Variants in LGALS3BP observed in about 807,000 individuals in gnomAD.
LGALS3BP encodes galectin 3 binding protein, also known as galectin-3-binding protein.
Under a neutral mutation model 22.9 loss-of-function variants are expected in LGALS3BP, and 25 were observed. That is an observed-to-expected ratio of 1.09 (90% CI 0.80 to 1.53). The LOEUF is 1.53. Ranked by LOEUF, LGALS3BP falls within the 40% of genes most tolerant of loss-of-function variation. The probability of loss-of-function intolerance (pLI) is 0.00; values close to 1 mark genes in which losing one functional copy is unlikely to be tolerated. For synonymous variants in LGALS3BP, 335 were observed against 331.1 expected (o/e 1.01, Z -0.13); for missense variants, 718 against 752.0 (o/e 0.95, Z 0.53).
intron 3 of LGALS3BP, chr17:78,975,144 A>G (rs35424237): frequency 0.072 from 23,945 of 333,918 alleles, 1,185 homozygotes; most frequent in Non-Finnish European, 0.097. Flanking sequence ...AGGTTCACAT[A>G]CTGTAATTGT....
intron 2 of LGALS3BP, 64 bp downstream of exon 2, chr17:78,977,076 C>A: frequency 6.4e-7 from 1 of 1,554,570 alleles, no homozygotes; most frequent in Non-Finnish European, 8.9e-7. Flanking sequence ...AAGCTCTGAG[C>A]AGCCCCAGGG....
Position 78,976,986 on chromosome 17 carries a change from T to G in LGALS3BP, c.52+154A>C. On this transcript the variant is annotated intron_variant, in intron 2 of 5. Transcript: ENST00000262776. This position sits in a 1 kb window ranked among gnomAD's most constrained non-coding sequence, Gnocchi z 4.6. ...CCGGGAACCTCCAAGTCATCATCACTGGGGATACCTGGTGCTTCAAGCAGG... is the reference window on the plus strand; with the variant it reads ...CCGGGAACCTCCAAGTCATCATCACGGGGGATACCTGGTGCTTCAAGCAGG... 1 of 756,570 alleles carries G rather than the reference T, an allele frequency of 1.3e-6. No homozygotes were observed. The highest frequency in any genetic ancestry group is 1.6e-5 in the South Asian group (1 of 64,330). 46.9% of individuals were successfully genotyped at this position (756,570 alleles called of 1,614,324 possible).
rs769208470 is a variant in LGALS3BP at position 78,971,667 on chromosome 17, G to A, written c.1667C>T (p.Thr556Ile). 40 of 1,613,732 alleles carry A rather than the reference G, an allele frequency of 2.5e-5. No individual in the cohort carries two copies. The highest frequency in any genetic ancestry group is 3.3e-4 in the Middle Eastern group (2 of 6,084). Residue 556 changes from threonine (T) to isoleucine (I), a missense_variant, in exon 6 of 6, where the codon ACC becomes ATC. Thr to Ile is a moderately conservative substitution (Grantham distance 89, BLOSUM62 -1). Coordinates refer to ENST00000262776, the MANE Select transcript of LGALS3BP (RefSeq NM_005567.4). This position sits in a 1 kb window ranked among gnomAD's most constrained non-coding sequence, Gnocchi z 5.6. ...CCCTGCCGGGCAGGGGAAGGAGGAG[G>A]TGCTCTTCGAGCTGTTGGTGTCCAG... The part of the protein sequence containing the change: ...SALDTNSSKS[T>I]SSFPCPAGHF...
chr17:78,975,397 G>A (rs544550613), intron 3 of LGALS3BP, among the ~76,000 whole-genome samples: 205 of 152,242 alleles, frequency 1.3e-3, no homozygotes, highest in African/African-American at 4.6e-3. Context: ...CGGAGGGAAC[G>A]AGCCCAGCCG....
At chr17:78,979,063 CA>C (rs750557980) in intron 1 of LGALS3BP, among the ~76,000 whole-genome samples, 1,183 of 51,004 alleles carry the variant, frequency 0.023, 13 homozygotes, top group African/African-American at 0.069. Context: ...GACTCTGTCT[CA>C]AAAAAAAAAG....
intron 3 of LGALS3BP, among the ~76,000 whole-genome samples, 185 bp downstream of exon 3, chr17:78,975,780 A>G (rs2070714158): frequency 8.3e-6 from 1 of 120,786 alleles, no homozygotes; most frequent in East Asian, 2.5e-4. Context: ...CAACAGAGCG[A>G]GACTCCATCT....
In LGALS3BP at chr17:78,976,826, G is replaced by A. The variant is rs553803801; in HGVS notation, c.52+314C>T. ...AGGACCCTCTGGAAGACTGACCTGC[G>A]TCCAAGGCCACTGACCTCACAACGG... On this transcript the variant is annotated intron_variant, in intron 2 of 5. Coordinates refer to ENST00000262776, the MANE Select transcript of LGALS3BP (RefSeq NM_005567.4). This position sits in a 1 kb window ranked among gnomAD's most constrained non-coding sequence, Gnocchi z 4.6. 20 of 384,630 alleles carry A rather than the reference G, an allele frequency of 5.2e-5. No individual in the cohort carries two copies. The highest frequency in any genetic ancestry group is 2.6e-4 in the South Asian group (9 of 34,196). The allele number at this position is 384,630 out of a possible 1,614,324, so 23.8% of individuals were successfully genotyped here.
At chr17:78,977,786 G>C (rs1017462917) in intron 1 of LGALS3BP, among the ~76,000 whole-genome samples, 2 of 152,214 alleles carry the variant, frequency 1.3e-5, no homozygotes, top group African/African-American at 2.4e-5. Context: ...ATAAGTGGCA[G>C]GGAGATATAT....
Position 78,971,450 on chromosome 17 carries a change from G to A in LGALS3BP, c.*126C>T, listed in dbSNP as rs1000865792. On this transcript the variant is annotated 3_prime_UTR_variant, in exon 6 of 6. Coordinates refer to ENST00000262776, the MANE Select transcript of LGALS3BP (RefSeq NM_005567.4). The surrounding 1 kb of genome is among the most constrained non-coding windows in gnomAD (Gnocchi z 5.6). ...ATTTCTTGAAGCTGAGCGCTCAGGT[G>A]AGTAGGGCGACATCTGGTGGCCGGT... 1 of 842,950 alleles carries A rather than the reference G, an allele frequency of 1.2e-6. No homozygotes were observed. Among genetic ancestry groups the A allele is most frequent in the African/African-American group, 1.7e-5 (1 of 58,268 alleles). The allele number at this position is 842,950 out of a possible 1,614,324, so 52.2% of individuals were successfully genotyped here. A position where few individuals can be genotyped will look rare whatever the true frequency, so the allele number is the denominator to read the frequency against.
In LGALS3BP at chr17:78,977,263, G is replaced by C. The variant is rs968032934; in HGVS notation, c.-23-49C>G. 13 of 1,496,780 alleles carry C rather than the reference G, an allele frequency of 8.7e-6. No homozygotes were observed. The East Asian group carries it at 1.1e-4, about 13-fold the overall frequency. 92.7% of individuals were successfully genotyped at this position (1,496,780 alleles called of 1,614,324 possible). A position where few individuals can be genotyped will look rare whatever the true frequency, so the allele number is the denominator to read the frequency against. ...GTGAGGCACGGGAGCCAGATGGCCC[G>C]AGGCCCCAGGGACTGGCCTGCCCAT... is the stretch of plus-strand genomic sequence containing the variant. On this transcript the variant is annotated intron_variant, in intron 1 of 5. Coordinates refer to ENST00000262776, the MANE Select transcript of LGALS3BP (RefSeq NM_005567.4).
chr17:78,978,328 C>T (rs1179215678), intron 1 of LGALS3BP, among the ~76,000 whole-genome samples: 1 of 152,236 alleles, frequency 6.6e-6, no homozygotes, highest in East Asian at 1.9e-4. Flanking sequence ...AGCAGCTTTG[C>T]TCTGGGACTC....
intron 3 of LGALS3BP, among the ~76,000 whole-genome samples, chr17:78,975,625 T>C (rs2070712845): frequency 6.6e-6 from 1 of 151,706 alleles, no homozygotes; most frequent in African/African-American, 2.4e-5. Context: ...ACTCTGTCTC[T>C]ACTAAAAAAT....
rs536183507 is a variant in LGALS3BP at position 78,972,326 on chromosome 17, A to G, written c.1008T>C (p.His336=). ...DTWSWGERAS[H]EEVEGLVEKI... ...TCTCCACCAAGCCCTCCACCTCCTC[A>G]TGGGAGGCACGCTCCCCCCAGCTCC... Residue 336 remains histidine (H), a synonymous_variant, in exon 6 of 6, where the codon CAT becomes CAC. Transcript: ENST00000262776. This position sits in a 1 kb window ranked among gnomAD's most constrained non-coding sequence, Gnocchi z 5.1. 6.2e-7 allele frequency: 1 copy of G among 1,613,130 alleles called. No homozygotes were observed. Among genetic ancestry groups the G allele is most frequent in the African/African-American group, 1.3e-5 (1 of 75,028 alleles).
In LGALS3BP at chr17:78,972,833, T is replaced by C. The variant is rs2145822427; in HGVS notation, c.630-129A>G. On this transcript the variant is annotated intron_variant, in intron 5 of 5. Transcript: ENST00000262776. The surrounding 1 kb of genome is among the most constrained non-coding windows in gnomAD (Gnocchi z 5.1). The stretch of plus-strand genomic sequence containing the variant: ...GAGCATGCGTGTGTGTGCAACTGCG[T>C]GAGTGCATGTGTGACTGCGTGTGTA... 1 of 1,421,186 alleles carries C rather than the reference T, an allele frequency of 7.0e-7. No homozygotes were observed. The highest frequency in any genetic ancestry group is 9.5e-7 in the Non-Finnish European group (1 of 1,055,176). 88.0% of individuals were successfully genotyped at this position (1,421,186 alleles called of 1,614,324 possible).
intron 3 of LGALS3BP, among the ~76,000 whole-genome samples, chr17:78,975,653 A>G (rs2070713079): frequency 6.6e-6 from 1 of 152,010 alleles, no homozygotes; most frequent in Non-Finnish European, 1.5e-5. Context: ...TCAGCCGGGC[A>G]TGGTGGCAGG....
chr17:78,974,763 C>T lies in LGALS3BP; in HGVS notation c.301G>A (p.Ala101Thr). The T allele has an allele frequency of 1.2e-6, 2 of 1,613,874 alleles. No homozygotes were observed. Among genetic ancestry groups the T allele is most frequent in the Non-Finnish European group, 1.7e-6 (2 of 1,180,002 alleles). ...VQCTGTEASL[A>T]DCKSLGWLKS... Reference sequence around the variant, plus strand: ...AGCCAGCCCAGGGACTTGCAGTCGGCCAGTGAGGCCTCGGTTCCCGTGCAC... The same window carrying T: ...AGCCAGCCCAGGGACTTGCAGTCGGTCAGTGAGGCCTCGGTTCCCGTGCAC... The change falls in exon 4 of 6, where the codon GCC becomes ACC. Residue 101 changes from alanine to threonine, a missense_variant. Transcript: ENST00000262776.
At position 78,971,532 on chromosome 17, in the gene LGALS3BP, C is replaced by A. The variant is rs377673778; in HGVS notation, c.*44G>T. 2 of 1,562,042 alleles carry A rather than the reference C, an allele frequency of 1.3e-6. No individual in the cohort carries two copies. Among genetic ancestry groups the A allele is most frequent in the East Asian group, 4.5e-5 (2 of 44,314 alleles). On this transcript the variant is annotated 3_prime_UTR_variant, in exon 6 of 6. Coordinates refer to ENST00000262776, the MANE Select transcript of LGALS3BP (RefSeq NM_005567.4). This position sits in a 1 kb window ranked among gnomAD's most constrained non-coding sequence, Gnocchi z 5.6. ...CGAGGAGGGGAGCCTGCAGTGAGGG[C>A]GTCCTGGGGTTCTCCGGTTCTCACC...
Sources: gnomAD v4.1 joint callset for allele counts (sites outside exome capture counted in the v4.1 genomes callset) on GRCh38, gnomAD v4.1.1 for gene constraint, Gnocchi (gnomAD v3.1) non-coding constraint, MANE v1.5 for transcripts, NCBI Gene and HGNC (gene_info 2026-07-23, HGNC 2026-07-21) for gene names.